CACNA1S: variants seen among roughly 807,000 people sequenced by gnomAD.
The protein encoded by CACNA1S is calcium voltage-gated channel subunit alpha1 S.
Under a neutral mutation model 207.4 loss-of-function variants are expected in CACNA1S, and 126 were observed. The ratio of observed to expected loss-of-function variants is 0.61; its 90% CI spans 0.53 to 0.70. The LOEUF (loss-of-function observed/expected upper bound fraction) is 0.70. CACNA1S is among the 30% of genes least tolerant of loss of function. CACNA1S has a pLI of 0.00. For synonymous variants in CACNA1S, 960 were observed against 932.7 expected (o/e 1.03, Z -0.53); for missense variants, 2,349 against 2,422.8 (o/e 0.97, Z 0.64).
At chr1:201,040,795 G>T in intron 41 of CACNA1S, 82 bp from the exon 42 acceptor site, 4 of 1,059,366 alleles carry the variant, frequency 3.8e-6, no homozygotes, top group Non-Finnish European at 5.7e-6. Context: ...CGCTTGGCTG[G>T]CTAGCCACAC....
chr1:201,039,903 G>C lies in CACNA1S; in HGVS notation c.5550C>G (p.Asn1850Lys), dbSNP rs141556780. The C allele has an allele frequency of 3.7e-6, 6 of 1,613,668 alleles. No individual in the cohort carries two copies. In the African/African-American group the frequency reaches 6.7e-5, roughly 18 times the overall value. ...CGAGGCTGCCCAGGGAGGACCCGAGGTTCAGGCATCCCAGGGAGCTGGCCA... is the reference window on the plus strand; with the variant it reads ...CGAGGCTGCCCAGGGAGGACCCGAGCTTCAGGCATCCCAGGGAGCTGGCCA... The part of the protein sequence containing the change: ...EGMASSLGCL[N>K]LGSSLGSLDQ... Residue 1850 changes from asparagine (N) to lysine (K), a missense_variant, in exon 44 of 44, where the codon AAC (asparagine) becomes AAG (lysine). Coordinates refer to ENST00000362061, the MANE Select transcript of CACNA1S (RefSeq NM_000069.3).
intron 10 of CACNA1S, among the ~76,000 whole-genome samples, chr1:201,081,377 G>T (rs938739368): frequency 6.6e-5 from 10 of 152,206 alleles, no homozygotes; most frequent in Admixed American, 3.3e-4. Flanking sequence ...CTTGTTTGTA[G>T]TGGGGAGGGC....
intron 12 of CACNA1S, among the ~76,000 whole-genome samples, chr1:201,076,019 G>A (rs1428612874): frequency 6.6e-6 from 1 of 152,180 alleles, no homozygotes; most frequent in African/African-American, 2.4e-5. Flanking sequence ...AGTGAGCTGA[G>A]ATTGTGCCAC....
chr1:201,044,307 G>A lies in CACNA1S; in HGVS notation c.4797+21C>T, dbSNP rs776655679. ...ACTCATGGTGTCTAGACCACTAGGGGTGCTCCTGGCTCTCCCTCACCCGGA... is the reference window on the plus strand; with the variant it reads ...ACTCATGGTGTCTAGACCACTAGGGATGCTCCTGGCTCTCCCTCACCCGGA... On this transcript the variant is annotated intron_variant, in intron 39 of 43. Coordinates refer to ENST00000362061, the MANE Select transcript of CACNA1S (RefSeq NM_000069.3). 41 of 1,612,438 alleles carry A rather than the reference G, an allele frequency of 2.5e-5. 1 individual carries two copies. The Middle Eastern group carries it at 4.9e-4, about 19-fold the overall frequency.
chr1:201,062,587 G>T, intron 22 of CACNA1S, 73 bp from the exon 23 acceptor site: 2 of 1,386,970 alleles, frequency 1.4e-6, no homozygotes, highest in South Asian at 2.3e-5. Flanking sequence ...TGGGCTCTGG[G>T]AGTGAACAGT....
At chr1:201,092,159 G>T in intron 3 of CACNA1S, 45 bp from the exon 4 acceptor site, 1 of 1,612,998 alleles carries the variant, frequency 6.2e-7, no homozygotes, top group South Asian at 1.1e-5. Context: ...GGTTGGAAAA[G>T]CCACTGCCCC....
intron 5 of CACNA1S, 65 bp from the exon 6 acceptor site, chr1:201,089,528 G>T (rs1240071023): frequency 2.0e-6 from 3 of 1,474,392 alleles, no homozygotes; most frequent in East Asian, 4.6e-5. Context: ...AGGAGGAAAG[G>T]TGTATAAGAG....
chr1:201,061,612 C>G, intron 24 of CACNA1S, 144 bp from the exon 25 acceptor site: 1 of 799,286 alleles, frequency 1.3e-6, no homozygotes. Context: ...GGAGTTAGGT[C>G]GGCGCCAGGA....
intron 29 of CACNA1S, 49 bp downstream of exon 29, chr1:201,054,456 G>A: frequency 6.3e-7 from 1 of 1,581,668 alleles, no homozygotes; most frequent in East Asian, 2.2e-5. Flanking sequence ...CAAGTGGCAG[G>A]GCAGGAGCTG....
rs75893368 is a variant in CACNA1S at position 201,063,073 on chromosome 1, G to A, written c.2854-559C>T. Among the ~76,000 whole-genome samples, 598 of 152,132 alleles carry A rather than the reference G, an allele frequency of 3.9e-3. 2 individuals carry two copies. Among genetic ancestry groups the A allele is most frequent in the African/African-American group, 0.013 (555 of 41,468 alleles). On this transcript the variant is annotated intron_variant, in intron 22 of 43. Transcript: ENST00000362061. ...AGCGGGGTCCCATGTCCCAGCCCAA[G>A]GCCCAGGTAGGGGGGCTCTGTGCTC...
Position 201,085,002 on chromosome 1 carries a change from C to T in CACNA1S, c.1180G>A (p.Asp394Asn), listed in dbSNP as rs112236248. The T allele has an allele frequency of 1.6e-5, 26 of 1,612,234 alleles. No individual in the cohort carries two copies. In the African/African-American group the frequency reaches 2.4e-4, roughly 15 times the overall value. Reference protein sequence around the residue: ...GKLSLDEGGSDTESLYEIAGL... With the variant: ...GKLSLDEGGSNTESLYEIAGL... Reference sequence around the variant, plus strand: ...GCAATTTCATACAGGCTCTCTGTGTCAGAGCCACCTTCATCCAAAGACAGT... The same window carrying T: ...GCAATTTCATACAGGCTCTCTGTGTTAGAGCCACCTTCATCCAAAGACAGT... Residue 394 changes from aspartate (D) to asparagine (N), a missense_variant, in exon 9 of 44, where the codon GAC becomes AAC. By Grantham distance (23) the Asp-to-Asn change is conservative. Transcript: ENST00000362061.
chr1:201,073,639 A>C lies in CACNA1S; in HGVS notation c.2067T>G (p.Gly689=), dbSNP rs1250186184. ...EEKKRRKMSK[G]LPDKSEEEKS... ...TCTCCTCTTCTGACTTGTCTGGGAG[A>C]CCCCTGAGTTAGAAAACCCAAAGTG... The change falls in exon 15 of 44, where the codon GGT becomes GGG. Residue 689 remains glycine (G), a synonymous_variant. Transcript: ENST00000362061. 16 of 1,613,648 alleles carry C rather than the reference A, an allele frequency of 9.9e-6. No homozygotes were observed. Among genetic ancestry groups the C allele is most frequent in the Non-Finnish European group, 1.4e-5 (16 of 1,179,732 alleles).
At chr1:201,087,036 G>T (rs1662058396) in intron 7 of CACNA1S, among the ~76,000 whole-genome samples, 1 of 152,188 alleles carries the variant, frequency 6.6e-6, no homozygotes, top group African/African-American at 2.4e-5. Context: ...TCTGGAATGG[G>T]ATGATACCAA....
In CACNA1S at chr1:201,040,295, C is replaced by T; in HGVS notation, c.5306G>A (p.Ser1769Asn). The T allele has an allele frequency of 6.2e-7, 1 of 1,613,908 alleles. No homozygotes were observed. The highest frequency in any genetic ancestry group is 1.1e-5 in the South Asian group (1 of 91,044). The change falls in exon 43 of 44, where the codon AGC becomes AAC. Residue 1769 changes from serine to asparagine, a missense_variant. By Grantham distance (46) the Ser-to-Asn change is conservative. Coordinates refer to ENST00000362061, the MANE Select transcript of CACNA1S (RefSeq NM_000069.3). ...PGSLHEETPHSRSTRENTSRC... is the reference protein window; with the variant it reads ...PGSLHEETPHNRSTRENTSRC... The stretch of plus-strand genomic sequence containing the variant: ...GGAAGTATTCTCCCTGGTGCTCCTG[C>T]TGTGGGGTGTCTCCTCATGAAGAGA...
intron 38 of CACNA1S, among the ~76,000 whole-genome samples, chr1:201,045,252 C>A (rs1572021382): frequency 1.3e-5 from 2 of 152,154 alleles, no homozygotes; most frequent in South Asian, 4.1e-4. Context: ...AACTGAGGGA[C>A]ATACTGACCT....
intron 27 of CACNA1S, among the ~76,000 whole-genome samples, chr1:201,058,813 A>G (rs1368347474): frequency 6.6e-6 from 1 of 152,144 alleles, no homozygotes; most frequent in Non-Finnish European, 1.5e-5. Flanking sequence ...TGAACATCCT[A>G]TCTGGGGCTT....
chr1:201,108,512 C>T, intron 2 of CACNA1S, among the ~76,000 whole-genome samples: 1 of 152,090 alleles, frequency 6.6e-6, no homozygotes, highest in Non-Finnish European at 1.5e-5. Context: ...GTGGGGTAGA[C>T]CTAGAGCTCT....
In CACNA1S at chr1:201,062,325, A is replaced by G. The variant is rs1015136665; in HGVS notation, c.2906+137T>C. 6.9e-6 allele frequency: 7 copies of G among 1,012,796 alleles called. No homozygotes were observed. The African/African-American group carries it at 9.4e-5, about 14-fold the overall frequency. The allele number at this position is 1,012,796 out of a possible 1,614,324, so 62.7% of individuals were successfully genotyped here. On this transcript the variant is annotated intron_variant, in intron 23 of 43. Coordinates refer to ENST00000362061, the MANE Select transcript of CACNA1S (RefSeq NM_000069.3). Reference sequence around the variant, plus strand: ...GAAGGGCCGTCATCCACCAACACACAGTCCCCTGCCCTGTGATCGTCCTGC... The same window carrying G: ...GAAGGGCCGTCATCCACCAACACACGGTCCCCTGCCCTGTGATCGTCCTGC...
chr1:201,104,953 C>T (rs1280171203), intron 2 of CACNA1S, among the ~76,000 whole-genome samples: 2 of 152,360 alleles, frequency 1.3e-5, no homozygotes, highest in Non-Finnish European at 2.9e-5. Context: ...ATAAAAGTAC[C>T]TGCCTCATGG....
Sources: gnomAD v4.1 joint callset for allele counts (sites outside exome capture counted in the v4.1 genomes callset) on GRCh38, gnomAD v4.1.1 for gene constraint, MANE v1.5 for transcripts, NCBI Gene and HGNC (gene_info 2026-07-23, HGNC 2026-07-21) for gene names.